The following FLT1 variants were observed in gnomAD, a reference collection of about 807,000 sequenced individuals.
FLT1 encodes the protein fms related receptor tyrosine kinase 1.
In FLT1, 49 loss-of-function variants were observed where a neutral mutation model predicts 156.3. The observed-to-expected ratio is 0.31, with a 90% CI of 0.25 to 0.40. The LOEUF is 0.40. FLT1 is among the 10% of genes least tolerant of loss of function. The pLI, the probability that FLT1 is intolerant of heterozygous loss-of-function variation, is 1.00. For missense variants in FLT1, 1,322 were observed against 1,637.2 expected, an observed-to-expected ratio of 0.81 and a Z score of 3.32; for synonymous variants, 594 against 583.8, an observed-to-expected ratio of 1.02 and a Z score of -0.25.
chr13:28,459,230 G>T (rs1593816586), intron 3 of FLT1, among the ~76,000 whole-genome samples: 2 of 152,266 alleles, frequency 1.3e-5, no homozygotes, highest in East Asian at 3.9e-4. Flanking sequence ...ACCCCAACAT[G>T]TTCACCTGTC....
chr13:28,386,131 T>C, intron 13 of FLT1: 3 of 1,052,926 alleles, frequency 2.8e-6, no homozygotes, highest in Non-Finnish European at 3.4e-6. Context: ...CATCTTAGTG[T>C]ACTAAAACTG....
In FLT1 at chr13:28,322,163, A is replaced by G; in HGVS notation, c.3051+99T>C. 1.2e-6 allele frequency: 1 copy of G among 816,868 alleles called. No individual in the cohort carries two copies. Among genetic ancestry groups the G allele is most frequent in the Non-Finnish European group, 2.1e-6 (1 of 465,994 alleles). The allele number at this position is 816,868 out of a possible 1,614,324, so 50.6% of individuals were successfully genotyped here. A position where few individuals can be genotyped will look rare whatever the true frequency, so the allele number is the denominator to read the frequency against. On this transcript the variant is annotated intron_variant, in intron 22 of 29. Transcript: ENST00000282397. This position sits in a 1 kb window ranked among gnomAD's most constrained non-coding sequence, Gnocchi z 4.3. ...TGCAGTGGTGTTTGTTCTACATTTA[A>G]GAACATAGGTATCAGCAAATACTAG...
rs181703402 is a variant in FLT1, at chr13:28,481,150, A to G, written c.65-13533T>C. Among the ~76,000 whole-genome samples the G allele has an allele frequency of 5.9e-3, 905 of 152,324 alleles. 10 individuals carry two copies. The highest frequency in any genetic ancestry group is 0.021 in the African/African-American group (862 of 41,562). On this transcript the variant is annotated intron_variant, in intron 1 of 29. Coordinates refer to ENST00000282397, the MANE Select transcript of FLT1 (RefSeq NM_002019.4). ...TAGAAATTAAAGGTTCCAATCAACT[A>G]TCTTCTGTGCTGTTTGGGAACCTAA... is the stretch of plus-strand genomic sequence containing the variant.
At chr13:28,374,177 A>C (rs1353700942) in intron 14 of FLT1, among the ~76,000 whole-genome samples, 1 of 152,122 alleles carries the variant, frequency 6.6e-6, no homozygotes, top group African/African-American at 2.4e-5. Context: ...TAAAATGATA[A>C]AATTTATGTT....
Position 28,494,761 on chromosome 13 carries a change from GC to G in FLT1, c.64+18del. On this transcript the variant is annotated intron_variant, in intron 1 of 29. Coordinates refer to ENST00000282397, the MANE Select transcript of FLT1 (RefSeq NM_002019.4). ...CCATCGCAGCCCGCCTCAGGCCCCG[GC>G]CCCCAGCCGCGCCTCACCTGTGAGA... 7 of 1,545,260 alleles carry G rather than the reference GC, an allele frequency of 4.5e-6. No individual in the cohort carries two copies. The highest frequency in any genetic ancestry group is 2.4e-5 in the East Asian group (1 of 41,158).
chr13:28,486,620 C>T (rs1332554551), intron 1 of FLT1, among the ~76,000 whole-genome samples: 2 of 101,718 alleles, frequency 2.0e-5, no homozygotes, highest in South Asian at 3.6e-4. Flanking sequence ...TTAGTCTAGA[C>T]GGGCAATTCA....
At chr13:28,321,342 T>G in intron 23 of FLT1, 121 bp downstream of exon 23, 1 of 1,265,104 alleles carries the variant, frequency 7.9e-7, no homozygotes. Flanking sequence ...ACTGTTTGTC[T>G]TCACAGAAAG....
intron 14 of FLT1, among the ~76,000 whole-genome samples, chr13:28,372,566 G>GCATATATATATATATATATATATA: frequency 1.1e-5 from 1 of 91,456 alleles, no homozygotes; most frequent in South Asian, 4.4e-4. Flanking sequence ...TAAATAAAAT[G>GCATATATATATATATATATATATA]TATATATATA....
rs771898397 is a variant in FLT1 at position 28,322,277 on chromosome 13, G to A, written c.3036C>T (p.Phe1012=). Residue 1012 remains phenylalanine, a synonymous_variant, in exon 22 of 30, where the codon TTC becomes TTT. Coordinates refer to ENST00000282397, the MANE Select transcript of FLT1 (RefSeq NM_002019.4). This position sits in a 1 kb window ranked among gnomAD's most constrained non-coding sequence, Gnocchi z 4.3. ...CAAGACTGACCTTTCTGGAAGACAG[G>A]AACTCCATGCCTCTGGCCACTTGAA... ...YSFQVARGME[F]LSSRKCIHRD... The A allele has an allele frequency of 6.2e-7, 1 of 1,607,570 alleles. No individual in the cohort carries two copies. Among genetic ancestry groups the A allele is most frequent in the South Asian group, 1.1e-5 (1 of 90,934 alleles).
intron 16 of FLT1, among the ~76,000 whole-genome samples, chr13:28,339,877 G>A (rs1872265405): frequency 6.6e-6 from 1 of 152,170 alleles, no homozygotes; most frequent in Non-Finnish European, 1.5e-5. Flanking sequence ...TGGAAAGGTT[G>A]TAGCTGAATC....
intron 16 of FLT1, among the ~76,000 whole-genome samples, chr13:28,344,906 A>AT (rs1346877906): frequency 7.3e-6 from 1 of 136,458 alleles, no homozygotes; most frequent in Non-Finnish European, 1.5e-5. Context: ...GGCTAAAGTG[A>AT]TTTTCCCACC....
rs190077462 is a variant in FLT1, at chr13:28,384,172, G to A, written c.2116+713C>T. Among the ~76,000 whole-genome samples, 1,111 of 152,234 alleles carry A rather than the reference G, an allele frequency of 7.3e-3. 8 individuals are homozygous for A. Among genetic ancestry groups the A allele is most frequent in the Non-Finnish European group, 0.012 (838 of 68,016 alleles). On this transcript the variant is annotated intron_variant, in intron 14 of 29. Transcript: ENST00000282397. Reference sequence around the variant, plus strand: ...AAACTGGCCAGACGCAGTGGCATGCGCCTATAATCCCAGCACTTTGGGAGG... The same window carrying A: ...AAACTGGCCAGACGCAGTGGCATGCACCTATAATCCCAGCACTTTGGGAGG...
intron 27 of FLT1, among the ~76,000 whole-genome samples, chr13:28,309,690 G>A (rs914326903): frequency 2.2e-4 from 23 of 103,082 alleles, no homozygotes; most frequent in Non-Finnish European, 3.6e-4. Flanking sequence ...AACCCAGCCA[G>A]ACCTTGCCAA....
At chr13:28,440,714 G>A (rs1486156812) in intron 3 of FLT1, among the ~76,000 whole-genome samples, 1 of 152,114 alleles carries the variant, frequency 6.6e-6, no homozygotes, top group African/African-American at 2.4e-5. Context: ...AGACCTTGGG[G>A]AAATCATTAT....
At chr13:28,473,645 AAAAGAAAG>A (rs760581592) in intron 1 of FLT1, among the ~76,000 whole-genome samples, 168 of 79,646 alleles carry the variant, frequency 2.1e-3, no homozygotes, top group African/African-American at 6.2e-3. Flanking sequence ...ACTATATCTC[AAAAGAAAG>A]AAAGAAAGAA....
At chr13:28,450,218 T>C (rs1878857010) in intron 3 of FLT1, among the ~76,000 whole-genome samples, 1 of 152,258 alleles carries the variant, frequency 6.6e-6, no homozygotes, top group Admixed American at 6.5e-5. Flanking sequence ...AATGCTCATG[T>C]TGATTAGAGG....
At chr13:28,348,129 A>G (rs1297621486) in intron 15 of FLT1, among the ~76,000 whole-genome samples, 2 of 152,182 alleles carry the variant, frequency 1.3e-5, no homozygotes, top group African/African-American at 2.4e-5. Flanking sequence ...TCCTTGGATC[A>G]TTAAATTATC....
At chr13:28,375,107 A>T (rs903085038) in intron 14 of FLT1, among the ~76,000 whole-genome samples, 2 of 152,188 alleles carry the variant, frequency 1.3e-5, no homozygotes, top group Non-Finnish European at 2.9e-5. Flanking sequence ...TTAGGATAGG[A>T]TATATTGCTA....
In FLT1 at chr13:28,440,267, T is replaced by C. The variant is rs74972153; in HGVS notation, c.389-1922A>G. 7.1e-3 allele frequency among the ~76,000 whole-genome samples: 1,080 copies of C among 152,326 alleles called. 39 individuals carry two copies. In the East Asian group the frequency reaches 0.12, roughly 17 times the overall value. On this transcript the variant is annotated intron_variant, in intron 3 of 29. Coordinates refer to ENST00000282397, the MANE Select transcript of FLT1 (RefSeq NM_002019.4). ...GTATTCATGTCTGTCTCATGTGTAC[T>C]GAATGAATGAGTGAACGGGTATCCA...
Sources: allele counts gnomAD v4.1 joint callset (sites outside exome capture counted in the v4.1 genomes callset), GRCh38; gene constraint gnomAD v4.1.1; non-coding constraint Gnocchi (gnomAD v3.1); transcripts MANE v1.5; gene names NCBI Gene and HGNC (gene_info 2026-07-23, HGNC 2026-07-21).